The following LMNTD1 variants were observed in gnomAD, a reference collection of about 807,000 sequenced individuals.
LMNTD1 encodes lamin tail domain-containing protein 1.
LMNTD1 carries 35 observed loss-of-function variants against 50.9 expected under a neutral mutation model. That is an observed-to-expected ratio of 0.69 (90% CI 0.53 to 0.91). The LOEUF is 0.91. LMNTD1 is among the 40% of genes least tolerant of loss of function. The pLI is 0.00. For missense variants in LMNTD1, 470 were observed against 475.5 expected (o/e 0.99, Z 0.11); for synonymous variants, 153 against 161.9 (o/e 0.94, Z 0.42).
chr12:25,632,499 C>T (rs1565529669), intron 1 of LMNTD1, among the ~76,000 whole-genome samples: 1 of 152,190 alleles, frequency 6.6e-6, no homozygotes, highest in Non-Finnish European at 1.5e-5. Context: ...CTTCAGCCTA[C>T]TCAAACAAAG....
chr12:25,560,455 A>G (rs550557133), intron 1 of LMNTD1, among the ~76,000 whole-genome samples: 3 of 152,294 alleles, frequency 2.0e-5, no homozygotes, highest in South Asian at 2.1e-4. Context: ...GCCTTGTAGT[A>G]TAGTTTGAAG....
Position 25,648,224 on chromosome 12 carries a change from G to T in LMNTD1, c.58+270C>A, listed in dbSNP as rs139175758. Among the ~76,000 whole-genome samples the T allele has an allele frequency of 7.2e-5, 11 of 152,122 alleles. No homozygotes were observed. The East Asian group carries it at 2.1e-3, about 29-fold the overall frequency. The stretch of plus-strand genomic sequence containing the variant: ...TATTCTATACATACGTGTTCATTTC[G>T]ACAGTCATGGGTTCCTGCTACACAT... On this transcript the variant is annotated intron_variant, in intron 1 of 7. Coordinates refer to the LMNTD1 transcript ENST00000445693.
At chr12:25,575,951 T>C (rs1328484994) in intron 1 of LMNTD1, among the ~76,000 whole-genome samples, 4 of 152,212 alleles carry the variant, frequency 2.6e-5, no homozygotes, top group Non-Finnish European at 4.4e-5. Flanking sequence ...TTTGGTTTTC[T>C]GTCCTTGCGA....
intron 1 of LMNTD1, among the ~76,000 whole-genome samples, chr12:25,575,831 C>T (rs1944992708): frequency 6.6e-6 from 1 of 152,114 alleles, no homozygotes; most frequent in Admixed American, 6.5e-5. Context: ...AATGCTATCC[C>T]TCCCTCCTCC....
intron 9 of LMNTD1, among the ~76,000 whole-genome samples, chr12:25,487,519 T>C (rs1938695282): frequency 7.0e-6 from 1 of 143,574 alleles, no homozygotes; most frequent in Non-Finnish European, 1.5e-5. Flanking sequence ...ATTTTGAGCA[T>C]ATGTGTGTCT....
chr12:25,525,735 A>G (rs1253419823), intron 6 of LMNTD1, among the ~76,000 whole-genome samples: 1 of 152,080 alleles, frequency 6.6e-6, no homozygotes, highest in Non-Finnish European at 1.5e-5. Context: ...GAACATAAGG[A>G]TAACTATCCA....
intron 8 of LMNTD1, among the ~76,000 whole-genome samples, chr12:25,508,960 A>T (rs533894164): frequency 1.3e-5 from 2 of 152,272 alleles, no homozygotes; most frequent in East Asian, 3.9e-4. Flanking sequence ...AGGTGATTAT[A>T]TAATTTTCCT....
At position 25,553,119 on chromosome 12, in the gene LMNTD1, C is replaced by T. The variant is rs373179311; in HGVS notation, c.-81G>A. 6.2e-5 allele frequency: 100 copies of T among 1,612,628 alleles called. No individual in the cohort carries two copies. The highest frequency in any genetic ancestry group is 8.1e-5 in the Non-Finnish European group (96 of 1,179,888). ...TCAGCTAGGTTTAATAATTTCTTTA[C>T]CAAACTAGTACCAGAACCACAATTC... On this transcript the variant is annotated 5_prime_UTR_variant, in exon 1 of 10. An upstream open reading frame in the 5' UTR gains an earlier in-frame stop. Transcript: ENST00000458174.
At chr12:25,514,491 G>C (rs1940590615) in intron 8 of LMNTD1, among the ~76,000 whole-genome samples, 1 of 152,018 alleles carries the variant, frequency 6.6e-6, no homozygotes, top group African/African-American at 2.4e-5. Flanking sequence ...GTAGAAGGAT[G>C]GTTGCCAGAG....
At chr12:25,581,058 C>T (rs1945259852) in intron 1 of LMNTD1, among the ~76,000 whole-genome samples, 1 of 152,142 alleles carries the variant, frequency 6.6e-6, no homozygotes. Context: ...ACAGCAATCT[C>T]TCCAATCAAA....
At chr12:25,504,173 G>A (rs548464189) in intron 8 of LMNTD1, among the ~76,000 whole-genome samples, 1 of 152,252 alleles carries the variant, frequency 6.6e-6, no homozygotes, top group African/African-American at 2.4e-5. Flanking sequence ...AATTTTACCA[G>A]CCTGTAAAAT....
intron 4 of LMNTD1, among the ~76,000 whole-genome samples, chr12:25,538,995 A>T (rs1942844556): frequency 6.6e-6 from 1 of 151,100 alleles, no homozygotes; most frequent in Non-Finnish European, 1.5e-5. Flanking sequence ...ACATAATGGT[A>T]ATGGGATCAA....
chr12:25,612,510 G>A (rs188559158), intron 1 of LMNTD1, among the ~76,000 whole-genome samples: 8 of 152,170 alleles, frequency 5.3e-5, no homozygotes, highest in Admixed American at 5.2e-4. Flanking sequence ...TTACATCTAG[G>A]AAACCTTTGC....
At chr12:25,641,052 G>T (rs1565533836) in intron 1 of LMNTD1, among the ~76,000 whole-genome samples, 2 of 152,162 alleles carry the variant, frequency 1.3e-5, no homozygotes, top group Non-Finnish European at 2.9e-5. Context: ...ACATCAAAAA[G>T]TGCTTGGTAC....
chr12:25,575,352 G>A (rs1409198579), intron 1 of LMNTD1, among the ~76,000 whole-genome samples: 1 of 152,144 alleles, frequency 6.6e-6, no homozygotes, highest in Non-Finnish European at 1.5e-5. Flanking sequence ...AAAACCTCTA[G>A]AAGAGAATTT....
At chr12:25,550,481 G>A (rs1424108843) in intron 2 of LMNTD1, among the ~76,000 whole-genome samples, 1 of 152,144 alleles carries the variant, frequency 6.6e-6, no homozygotes, top group African/African-American at 2.4e-5. Flanking sequence ...TCTGAAAAAT[G>A]AGACAAATGG....
intron 1 of LMNTD1, among the ~76,000 whole-genome samples, chr12:25,640,006 G>T (rs1007048621): frequency 1.3e-5 from 2 of 152,178 alleles, no homozygotes; most frequent in African/African-American, 4.8e-5. Context: ...CCACATGGAT[G>T]AACCTTGAAA....
At position 25,503,691 on chromosome 12, in the gene LMNTD1, A is replaced by G. The variant is rs560465256; in HGVS notation, c.*22+47T>C. The G allele has an allele frequency of 2.8e-5, 27 of 953,814 alleles. No homozygotes were observed. In the South Asian group the frequency reaches 2.9e-4, roughly 10 times the overall value. The allele number at this position is 953,814 out of a possible 1,614,324, so 59.1% of individuals were successfully genotyped here. A position where few individuals can be genotyped will look rare whatever the true frequency, so the allele number is the denominator to read the frequency against. ...GACATTTCTGCCCATTACTTTAGTC[A>G]TATTATTTTTCTGTGGAGAAAGCAA... On this transcript the variant is annotated intron_variant, in intron 9 of 9. Coordinates refer to ENST00000458174, the MANE Select transcript of LMNTD1 (RefSeq NM_001145728.2).
At chr12:25,529,257 A>G (rs1942047679) in intron 4 of LMNTD1, among the ~76,000 whole-genome samples, 2 of 151,822 alleles carry the variant, frequency 1.3e-5, no homozygotes, top group Non-Finnish European at 2.9e-5. Flanking sequence ...GCCCTCTTTT[A>G]TTTCCCTCAT....
Sources: gnomAD v4.1 joint callset for allele counts (sites outside exome capture counted in the v4.1 genomes callset) on GRCh38, gnomAD v4.1.1 for gene constraint, MANE v1.5 for transcripts, NCBI Gene and HGNC (gene_info 2026-07-23, HGNC 2026-07-21) for gene names.